The following LHFPL2 variants were observed in gnomAD, a reference collection of about 807,000 sequenced individuals.
The protein encoded by LHFPL2 is LHFPL tetraspan subfamily member 2.
LHFPL2 carries 7 observed loss-of-function variants against 17.5 expected under a neutral mutation model. The observed-to-expected ratio is 0.40, with a 90% confidence interval of 0.23 to 0.75. LHFPL2 has a LOEUF of 0.75. Ranked by LOEUF, LHFPL2 falls within the 30% of genes least tolerant of loss-of-function variation. The pLI, the probability that LHFPL2 is intolerant of heterozygous loss-of-function variation, is 0.37. For synonymous variants in LHFPL2, 134 were observed against 116.2 expected (o/e 1.15, Z -0.99); for missense variants, 241 against 294.8 (o/e 0.82, Z 1.34).
chr5:78,555,090 A>G (rs1469691590), intron 3 of LHFPL2, among the ~76,000 whole-genome samples: 1 of 152,218 alleles, frequency 6.6e-6, no homozygotes, highest in East Asian at 1.9e-4. Flanking sequence ...GATAATTCCA[A>G]TGTAACCAAA....
rs981039624 is a variant in LHFPL2, at chr5:78,488,742, G to A, written c.*155C>T. On this transcript the variant is annotated 3_prime_UTR_variant, in exon 5 of 5. Coordinates refer to ENST00000380345, the MANE Select transcript of LHFPL2 (RefSeq NM_005779.3). ...ACCGCATGTCCAGTAACTTTGCGTA[G>A]CTGGATGTGGCCTCTCATTGGTCCT... is the stretch of plus-strand genomic sequence containing the variant. The A allele has an allele frequency of 3.5e-5, 26 of 746,080 alleles. No homozygotes were observed. The highest frequency in any genetic ancestry group is 7.7e-4 in the Middle Eastern group (2 of 2,582). 46.2% of individuals were successfully genotyped at this position (746,080 alleles called of 1,614,324 possible). A position where few individuals can be genotyped will look rare whatever the true frequency, so the allele number is the denominator to read the frequency against.
chr5:78,489,652 C>G (rs1404232853), intron 4 of LHFPL2, among the ~76,000 whole-genome samples: 1 of 152,118 alleles, frequency 6.6e-6, no homozygotes, highest in African/African-American at 2.4e-5. Context: ...CCCACCTCGG[C>G]CTCCACCACG....
At chr5:78,545,505 A>C (rs1756245571) in intron 3 of LHFPL2, among the ~76,000 whole-genome samples, 1 of 152,198 alleles carries the variant, frequency 6.6e-6, no homozygotes, top group African/African-American at 2.4e-5. Flanking sequence ...TTATTATTCA[A>C]TACTTCCCAA....
chr5:78,568,858 A>G (rs1756925103), intron 2 of LHFPL2, among the ~76,000 whole-genome samples: 1 of 152,118 alleles, frequency 6.6e-6, no homozygotes, highest in Admixed American at 6.5e-5. Context: ...TCTGCAATTC[A>G]TTTTCTCATT....
chr5:78,496,720 C>T (rs1035718788), intron 4 of LHFPL2, among the ~76,000 whole-genome samples: 8 of 152,050 alleles, frequency 5.3e-5, no homozygotes, highest in Non-Finnish European at 1.2e-4. Context: ...TAAAGGAAAA[C>T]TCTGACAGGA....
At chr5:78,520,974 A>G (rs557927984) in intron 3 of LHFPL2, among the ~76,000 whole-genome samples, 21 of 152,208 alleles carry the variant, frequency 1.4e-4, no homozygotes, top group Non-Finnish European at 2.5e-4. Flanking sequence ...ACAATTTGAT[A>G]GCTGTATGCC....
At chr5:78,490,761 AAAAGC>A (rs1265453701) in intron 4 of LHFPL2, among the ~76,000 whole-genome samples, 1 of 151,546 alleles carries the variant, frequency 6.6e-6, no homozygotes, top group Non-Finnish European at 1.5e-5. Context: ...AAAAAAAAAA[AAAAGC>A]AAGATACTGC....
At chr5:78,636,829 G>A (rs1404035097) in intron 1 of LHFPL2, among the ~76,000 whole-genome samples, 1 of 151,990 alleles carries the variant, frequency 6.6e-6, no homozygotes, top group Non-Finnish European at 1.5e-5. Context: ...ATTAACAAAG[G>A]CCTCTCTGAT....
chr5:78,636,347 G>T (rs1411477641), intron 1 of LHFPL2, among the ~76,000 whole-genome samples: 2 of 152,234 alleles, frequency 1.3e-5, no homozygotes, highest in Non-Finnish European at 2.9e-5. Context: ...TGGTAGAATT[G>T]TAAGTACAAC....
At chr5:78,566,469 C>T (rs1756862631) in intron 2 of LHFPL2, among the ~76,000 whole-genome samples, 1 of 147,964 alleles carries the variant, frequency 6.8e-6, no homozygotes. Flanking sequence ...GAAACTAAGA[C>T]TTTTTTTTTT....
At chr5:78,600,792 A>G (rs1326977446) in intron 2 of LHFPL2, among the ~76,000 whole-genome samples, 1 of 152,226 alleles carries the variant, frequency 6.6e-6, no homozygotes, top group Non-Finnish European at 1.5e-5. Context: ...TAACGTCCTC[A>G]GAGAGATACT....
chr5:78,572,367 T>C (rs972830122), intron 2 of LHFPL2, among the ~76,000 whole-genome samples: 2 of 152,070 alleles, frequency 1.3e-5, no homozygotes, highest in Non-Finnish European at 2.9e-5. Flanking sequence ...GTGAAATATC[T>C]GAGCTATCTC....
intron 2 of LHFPL2, among the ~76,000 whole-genome samples, chr5:78,580,445 C>T (rs112735426): frequency 2.2e-4 from 33 of 151,256 alleles, no homozygotes; most frequent in Non-Finnish European, 3.0e-5. Context: ...AATGGTAATG[C>T]CTAGGTTTTC....
intron 2 of LHFPL2, among the ~76,000 whole-genome samples, chr5:78,618,357 C>T (rs775895311): frequency 7.2e-5 from 11 of 152,064 alleles, no homozygotes; most frequent in Non-Finnish European, 4.4e-5. Flanking sequence ...TTTTGTGGGT[C>T]AAGAATTTGG....
At chr5:78,556,758 A>G (rs1756581501) in intron 3 of LHFPL2, among the ~76,000 whole-genome samples, 6 of 152,216 alleles carry the variant, frequency 3.9e-5, no homozygotes. Context: ...GTAACAAAAT[A>G]AAGTTATATA....
At chr5:78,581,730 A>G (rs1014761911) in intron 2 of LHFPL2, among the ~76,000 whole-genome samples, 2 of 152,206 alleles carry the variant, frequency 1.3e-5, no homozygotes, top group Non-Finnish European at 2.9e-5. Context: ...ATGTTCATCA[A>G]GGATATTGGT....
chr5:78,643,685 G>A (rs1375352194), intron 1 of LHFPL2, among the ~76,000 whole-genome samples: 1 of 152,116 alleles, frequency 6.6e-6, no homozygotes, highest in African/African-American at 2.4e-5. Flanking sequence ...AATTTGTGCT[G>A]TGCACCAACG....
intron 3 of LHFPL2, among the ~76,000 whole-genome samples, chr5:78,513,251 A>G (rs887637692): frequency 1.3e-5 from 2 of 152,154 alleles, no homozygotes; most frequent in Non-Finnish European, 2.9e-5. Flanking sequence ...AGGACAGGAG[A>G]AGATGGGACA....
At chr5:78,516,964 A>G (rs1184742512) in intron 3 of LHFPL2, among the ~76,000 whole-genome samples, 1 of 152,170 alleles carries the variant, frequency 6.6e-6, no homozygotes, top group Non-Finnish European at 1.5e-5. Flanking sequence ...AGGGGCCTGG[A>G]CATGGGTTCA....
Sources: gnomAD v4.1 joint callset for allele counts (sites outside exome capture counted in the v4.1 genomes callset) on GRCh38, gnomAD v4.1.1 for gene constraint, MANE v1.5 for transcripts, NCBI Gene and HGNC (gene_info 2026-07-23, HGNC 2026-07-21) for gene names.